Variants in LRRC8C observed in about 807,000 individuals in gnomAD.
LRRC8C encodes volume-regulated anion channel subunit LRRC8C.
In LRRC8C, 20 loss-of-function variants were observed where a neutral mutation model predicts 55.3. That is an observed-to-expected ratio of 0.36 (90% CI 0.25 to 0.53). LRRC8C has a LOEUF of 0.53. Ranked by LOEUF, LRRC8C falls within the 20% of genes least tolerant of loss-of-function variation. The pLI, the probability that LRRC8C is intolerant of heterozygous loss-of-function variation, is 0.92. For synonymous variants in LRRC8C, 376 were observed against 360.7 expected, an observed-to-expected ratio of 1.04 and a Z score of -0.48; for missense variants, 659 against 951.4, an observed-to-expected ratio of 0.69 and a Z score of 4.04.
At chr1:89,687,404 A>G (rs1657911463) in intron 2 of LRRC8C, among the ~76,000 whole-genome samples, 1 of 152,214 alleles carries the variant, frequency 6.6e-6, no homozygotes, top group Non-Finnish European at 1.5e-5. Context: ...AAGAGGAGAA[A>G]AGAAAGCTCT....
intron 1 of LRRC8C, among the ~76,000 whole-genome samples, chr1:89,685,267 C>T (rs531302294): frequency 5.7e-4 from 82 of 144,310 alleles, no homozygotes; most frequent in Non-Finnish European, 8.6e-4. Flanking sequence ...TACAGGCGCC[C>T]GCCACCGCGC....
rs1658845740 is a variant in LRRC8C at position 89,717,098 on chromosome 1, T to C, written c.*2116T>C. The C allele has an allele frequency of 6.6e-6, 1 of 152,178 alleles. No homozygotes were observed. The highest frequency in any genetic ancestry group is 1.5e-5 in the Non-Finnish European group (1 of 68,016). 9.4% of individuals were successfully genotyped at this position (152,178 alleles called of 1,614,324 possible). The stretch of plus-strand genomic sequence containing the variant: ...AAAGTATTCAATTTCAGAATAGTGT[T>C]GGAATCCTGAGTTTGAATAATGTGT... On this transcript the variant is annotated 3_prime_UTR_variant, in exon 3 of 3. Transcript: ENST00000370454.
intron 2 of LRRC8C, among the ~76,000 whole-genome samples, chr1:89,701,232 T>G (rs1658313252): frequency 6.6e-6 from 1 of 152,122 alleles, no homozygotes; most frequent in Non-Finnish European, 1.5e-5. Context: ...ATCCCAGCAC[T>G]TTGGGAGGCC....
intron 1 of LRRC8C, among the ~76,000 whole-genome samples, chr1:89,659,285 A>G (rs553818506): frequency 2.6e-4 from 40 of 152,122 alleles, no homozygotes; most frequent in Non-Finnish European, 5.7e-4. Flanking sequence ...ATATTCATTC[A>G]AGAAGGAATT....
In LRRC8C at chr1:89,714,491, G is replaced by A; in HGVS notation, c.1921G>A (p.Val641Met). 1 of 1,614,156 alleles carries A rather than the reference G, an allele frequency of 6.2e-7. No homozygotes were observed. The highest frequency in any genetic ancestry group is 8.5e-7 in the Non-Finnish European group (1 of 1,180,014). ...VSFQHLRKLT[V>M]LKLWHNSITY... ...CTTTCAGCACTTAAGAAAGTTGACA[G>A]TGCTAAAACTGTGGCATAACAGCAT... The change falls in exon 3 of 3, where the codon GTG becomes ATG. Residue 641 changes from valine to methionine, a missense_variant. Physicochemically the swap from Val to Met is conservative, Grantham distance 21 (BLOSUM62 1). This residue lies in a region of LRRC8C where 344 missense variants were observed against 464.6 expected (regional missense o/e 0.74). Coordinates refer to ENST00000370454, the MANE Select transcript of LRRC8C (RefSeq NM_032270.5). The surrounding 1 kb of genome is among the most constrained non-coding windows in gnomAD (Gnocchi z 4.6).
At chr1:89,626,932 G>A in the LRRC8C span, 1 of 150,334 alleles carries the variant, frequency 6.7e-6, no homozygotes, top group Middle Eastern at 3.4e-3. Flanking sequence ...GGTCCAGGTG[G>A]GGCTGAAAAT....
At chr1:89,633,442 C>T (rs896228658) in intron 1 of LRRC8C, 120 bp downstream of exon 1, 2 of 152,694 alleles carry the variant, frequency 1.3e-5, no homozygotes, top group Non-Finnish European at 2.9e-5. Flanking sequence ...TTGCTTCCCC[C>T]CGGCTCTCAG....
intron 1 of LRRC8C, among the ~76,000 whole-genome samples, chr1:89,640,933 A>G (rs1435107032): frequency 6.6e-6 from 1 of 152,256 alleles, no homozygotes; most frequent in African/African-American, 2.4e-5. Flanking sequence ...AAGATAAGCA[A>G]TTAAATTCAT....
intron 2 of LRRC8C, among the ~76,000 whole-genome samples, chr1:89,697,905 C>A (rs923964606): frequency 1.3e-5 from 2 of 151,986 alleles, no homozygotes; most frequent in African/African-American, 4.8e-5. Flanking sequence ...TGGCTGGAAA[C>A]CTTCAGTTTA....
rs963095565 is a variant in LRRC8C at position 89,712,875 on chromosome 1, A to C, written c.305A>C (p.Asp102Ala). ...ITVEMKGLKT[D>A]LDLQQYSFIN... is the part of the protein sequence containing the mutation. ...GTGGAAATGAAAGGCCTGAAGACAGATTTGGACCTTCAGCAGTACAGCTTT... is the reference window on the plus strand; with the variant it reads ...GTGGAAATGAAAGGCCTGAAGACAGCTTTGGACCTTCAGCAGTACAGCTTT... The change falls in exon 3 of 3, where the codon GAT becomes GCT. Residue 102 changes from aspartate (D) to alanine (A), a missense_variant. This residue lies in a region of LRRC8C where 82 missense variants were observed against 71.4 expected (regional missense o/e 1.15). Coordinates refer to ENST00000370454, the MANE Select transcript of LRRC8C (RefSeq NM_032270.5). 2.5e-6 allele frequency: 4 copies of C among 1,614,050 alleles called. No individual in the cohort carries two copies. Among genetic ancestry groups the C allele is most frequent in the Non-Finnish European group, 3.4e-6 (4 of 1,180,028 alleles).
At chr1:89,617,521 A>C in the LRRC8C span, among the ~76,000 whole-genome samples, 1 of 152,194 alleles carries the variant, frequency 6.6e-6, no homozygotes, top group African/African-American at 2.4e-5. Flanking sequence ...CAGTTTTTCC[A>C]TTGCAGCTAT....
intron 2 of LRRC8C, among the ~76,000 whole-genome samples, chr1:89,694,517 C>G (rs1040733064): frequency 6.7e-6 from 1 of 150,192 alleles, no homozygotes; most frequent in African/African-American, 2.5e-5. Context: ...CTCCTGGGCT[C>G]TAGTGATCTT....
chr1:89,709,745 T>G (rs1658591139), intron 2 of LRRC8C, among the ~76,000 whole-genome samples: 1 of 90,666 alleles, frequency 1.1e-5, no homozygotes, highest in Non-Finnish European at 2.4e-5. Flanking sequence ...TGTGTGGTTT[T>G]TTTTTGTTTG....
the LRRC8C span, among the ~76,000 whole-genome samples, chr1:89,624,600 G>T: frequency 2.6e-4 from 39 of 152,302 alleles, no homozygotes; most frequent in South Asian, 7.2e-3. Context: ...ACTGATGTTT[G>T]TAAGGAAAAT....
At chr1:89,674,307 T>C (rs191439968) in intron 1 of LRRC8C, among the ~76,000 whole-genome samples, 1 of 152,278 alleles carries the variant, frequency 6.6e-6, no homozygotes, top group Admixed American at 6.5e-5. Flanking sequence ...ATAAAGAAAC[T>C]TTTCATGCCC....
intron 2 of LRRC8C, among the ~76,000 whole-genome samples, chr1:89,703,203 A>G (rs111696955): frequency 0.017 from 2,547 of 152,342 alleles, 69 homozygotes; most frequent in African/African-American, 0.058. Flanking sequence ...AAGCTACCTT[A>G]AAGATAGATT....
intron 2 of LRRC8C, among the ~76,000 whole-genome samples, chr1:89,690,398 C>T (rs1657996188): frequency 6.6e-6 from 1 of 152,024 alleles, no homozygotes; most frequent in South Asian, 2.1e-4. Flanking sequence ...GGGTGGCTAG[C>T]TTGGGAAATA....
At chr1:89,702,201 G>A (rs1429259954) in intron 2 of LRRC8C, among the ~76,000 whole-genome samples, 3 of 151,898 alleles carry the variant, frequency 2.0e-5, no homozygotes, top group Non-Finnish European at 4.4e-5. Context: ...ACTCTGGGGG[G>A]CTGGGGGCTG....
chr1:89,680,501 A>T (rs192558471), intron 1 of LRRC8C, among the ~76,000 whole-genome samples: 4 of 141,600 alleles, frequency 2.8e-5, no homozygotes, highest in African/African-American at 7.9e-5. Flanking sequence ...TGGCCACAGG[A>T]TATTTGAATT....
Sources: allele counts gnomAD v4.1 joint callset (sites outside exome capture counted in the v4.1 genomes callset), GRCh38; gene constraint gnomAD v4.1.1; regional missense constraint gnomAD v4.1.1; non-coding constraint Gnocchi (gnomAD v3.1); transcripts MANE v1.5; gene names NCBI Gene and HGNC (gene_info 2026-07-23, HGNC 2026-07-21).